Variants in PFKFB3 observed in about 807,000 individuals in gnomAD.
The protein encoded by PFKFB3 is 6-phosphofructo-2-kinase/fructose-2,6-bisphosphatase 3.
A neutral mutation model predicts 68.0 loss-of-function variants in PFKFB3; 33 were observed. That is an observed-to-expected ratio of 0.49 (90% CI 0.37 to 0.65). The LOEUF (loss-of-function observed/expected upper bound fraction) is 0.65. PFKFB3 is among the 30% of genes least tolerant of loss of function. PFKFB3 has a pLI of 0.00. For missense variants in PFKFB3, 586 were observed against 712.2 expected (o/e 0.82, Z 2.02); for synonymous variants, 315 against 288.2 (o/e 1.09, Z -0.94).
the PFKFB3 span, among the ~76,000 whole-genome samples, chr10:6,298,498 T>C: frequency 0.033 from 4,961 of 152,042 alleles, 252 homozygotes; most frequent in African/African-American, 0.11. Flanking sequence ...TCAGCCTCCC[T>C]AGTAGCGAGG....
At chr10:6,189,323 A>G (rs1177473033) in intron 1 of PFKFB3, among the ~76,000 whole-genome samples, 1 of 151,972 alleles carries the variant, frequency 6.6e-6, no homozygotes, top group Non-Finnish European at 1.5e-5. Context: ...GAATATCCCT[A>G]ATTTTTTTAG....
chr10:6,224,103 G>A (rs1180328576), intron 12 of PFKFB3, 46 bp from the exon 13 acceptor site: 1 of 1,612,746 alleles, frequency 6.2e-7, no homozygotes, highest in African/African-American at 1.3e-5. Context: ...AAGCGGTGCT[G>A]TCCCTTTAAC....
chr10:6,195,220 T>C (rs1843145489), intron 1 of PFKFB3, among the ~76,000 whole-genome samples: 1 of 152,190 alleles, frequency 6.6e-6, no homozygotes, highest in Non-Finnish European at 1.5e-5. Context: ...GTCAGGGTCA[T>C]AGAAGACCCT....
At chr10:6,297,402 C>T in the PFKFB3 span, among the ~76,000 whole-genome samples, 5 of 152,274 alleles carry the variant, frequency 3.3e-5, no homozygotes, top group East Asian at 1.9e-4. Context: ...AGGCCACATC[C>T]GTGAGCACTT....
At position 6,203,035 on chromosome 10, in the gene PFKFB3, C is replaced by T. The variant is rs1020290167; in HGVS notation, c.-226C>T. ...TTTCCGAGCGGACGAGCCGGCCGTGCCGGGCATCCCCAGCCTCGCTACCCT... is the reference window on the plus strand; with the variant it reads ...TTTCCGAGCGGACGAGCCGGCCGTGTCGGGCATCCCCAGCCTCGCTACCCT... On this transcript the variant is annotated 5_prime_UTR_variant, in exon 1 of 15. Transcript: ENST00000379775. 7.4e-5 allele frequency: 101 copies of T among 1,373,842 alleles called. No individual in the cohort carries two copies. Among genetic ancestry groups the T allele is most frequent in the Non-Finnish European group, 9.1e-5 (97 of 1,068,360 alleles). 85.1% of individuals were successfully genotyped at this position (1,373,842 alleles called of 1,614,324 possible).
At chr10:6,246,877 G>A (rs562612719) in intron 14 of PFKFB3, among the ~76,000 whole-genome samples, 61 of 152,244 alleles carry the variant, frequency 4.0e-4, no homozygotes, top group African/African-American at 1.3e-3. Flanking sequence ...GCTCTAGGAC[G>A]CTGGAGAAAA....
intron 1 of PFKFB3, chr10:6,150,005 T>G (rs147086490): frequency 3.9e-5 from 6 of 152,394 alleles, no homozygotes; most frequent in Non-Finnish European, 8.8e-5. Context: ...GTTGATTCCA[T>G]GTCTTGGCCG....
chr10:6,255,597 T>C (rs565712949), downstream of PFKFB3, among the ~76,000 whole-genome samples: 1 of 152,326 alleles, frequency 6.6e-6, no homozygotes, highest in African/African-American at 2.4e-5. Flanking sequence ...AGTGTACTTT[T>C]CTGTTTTGTT....
upstream of PFKFB3, among the ~76,000 whole-genome samples, chr10:6,200,877 G>A (rs1843324938): frequency 6.6e-6 from 1 of 152,218 alleles, no homozygotes; most frequent in Non-Finnish European, 1.5e-5. Flanking sequence ...GCTGACCGCT[G>A]TCAGATGCGT....
chr10:6,162,237 A>G (rs1841992882), intron 1 of PFKFB3, among the ~76,000 whole-genome samples: 1 of 152,180 alleles, frequency 6.6e-6, no homozygotes, highest in African/African-American at 2.4e-5. Context: ...TTGGAGGCGG[A>G]GTAATGTTCT....
chr10:6,202,940 C>G lies in PFKFB3; in HGVS notation c.-321C>G, dbSNP rs1843428700. ...GGTGCGCGGGGCATCCCAGCCAAGC[C>G]GGAGAGGAGGCGAGCAGCAGGGCCT... On this transcript the variant is annotated 5_prime_UTR_variant, in exon 1 of 15. Transcript: ENST00000379775. 1.6e-6 allele frequency: 2 copies of G among 1,235,314 alleles called. No homozygotes were observed. The highest frequency in any genetic ancestry group is 2.0e-6 in the Non-Finnish European group (2 of 985,090). 76.5% of individuals were successfully genotyped at this position (1,235,314 alleles called of 1,614,324 possible). A position where few individuals can be genotyped will look rare whatever the true frequency, so the allele number is the denominator to read the frequency against.
At chr10:6,264,101 G>A in the PFKFB3 span, among the ~76,000 whole-genome samples, 1 of 152,128 alleles carries the variant, frequency 6.6e-6, no homozygotes, top group Non-Finnish European at 1.5e-5. Flanking sequence ...TCCCCATATC[G>A]AATTGACTTG....
At chr10:6,311,355 T>G in the PFKFB3 span, among the ~76,000 whole-genome samples, 3 of 152,218 alleles carry the variant, frequency 2.0e-5, no homozygotes, top group Non-Finnish European at 4.4e-5. Flanking sequence ...GTTCTGTTCC[T>G]GCCACCTGTG....
In PFKFB3 at chr10:6,229,885, C is replaced by T. The variant is rs1845621566; in HGVS notation, c.1516-3010C>T. On this transcript the variant is annotated intron_variant, in intron 14 of 14. Coordinates refer to ENST00000379775, the MANE Select transcript of PFKFB3 (RefSeq NM_004566.4). This position sits in a 1 kb window ranked among gnomAD's most constrained non-coding sequence, Gnocchi z 4.3. ...TAGATTCTCTGAAGGGAACGCACAG[C>T]CTAGATCCCTCGTGTGTGCTCCTCC... 6.6e-6 allele frequency among the ~76,000 whole-genome samples: 1 copy of T among 152,104 alleles called. No individual in the cohort carries two copies. Among genetic ancestry groups the T allele is most frequent in the South Asian group, 2.1e-4 (1 of 4,824 alleles).
chr10:6,304,934 G>A, the PFKFB3 span, among the ~76,000 whole-genome samples: 92 of 132,164 alleles, frequency 7.0e-4, no homozygotes, highest in Middle Eastern at 4.5e-3. Context: ...CTCCTGCCTC[G>A]GCCTTGCAAA....
At chr10:6,243,350 C>T (rs186762611) in intron 14 of PFKFB3, among the ~76,000 whole-genome samples, 15 of 152,308 alleles carry the variant, frequency 9.8e-5, no homozygotes, top group Middle Eastern at 3.4e-3. Context: ...ACTATCTTTA[C>T]TTAGTTATTA....
chr10:6,205,954 C>T (rs1048045856), intron 1 of PFKFB3, among the ~76,000 whole-genome samples: 2 of 142,558 alleles, frequency 1.4e-5, no homozygotes, highest in Non-Finnish European at 3.0e-5. Flanking sequence ...TGCACCACCA[C>T]ACCCGGCTAA....
chr10:6,146,644 A>G, intron 1 of PFKFB3: 1 of 792,320 alleles, frequency 1.3e-6, no homozygotes, highest in East Asian at 2.7e-5. Flanking sequence ...TGGTTGGGAA[A>G]CTCCTAAAAG....
At chr10:6,288,261 G>A in the PFKFB3 span, among the ~76,000 whole-genome samples, 1 of 146,702 alleles carries the variant, frequency 6.8e-6, no homozygotes, top group East Asian at 2.0e-4. Flanking sequence ...GTGCAGGTTA[G>A]TTACACATGT....
Sources: allele counts gnomAD v4.1 joint callset (sites outside exome capture counted in the v4.1 genomes callset), GRCh38; gene constraint gnomAD v4.1.1; non-coding constraint Gnocchi (gnomAD v3.1); transcripts MANE v1.5; gene names NCBI Gene and HGNC (gene_info 2026-07-23, HGNC 2026-07-21).